The following SPATC1L variants were observed in gnomAD, a reference collection of about 807,000 sequenced individuals.
SPATC1L encodes the protein spermatogenesis and centriole associated 1 like.
A neutral mutation model predicts 21.2 loss-of-function variants in SPATC1L; 20 were observed. That is an observed-to-expected ratio of 0.94 (90% CI 0.66 to 1.37). The LOEUF (loss-of-function observed/expected upper bound fraction) is 1.37, where lower values mean the gene tolerates loss of function less well. SPATC1L is among the 40% of genes most tolerant of loss of function. SPATC1L has a pLI of 0.00. For synonymous variants in SPATC1L, 290 were observed against 234.5 expected (o/e 1.24, Z -2.16); for missense variants, 499 against 478.7 (o/e 1.04, Z -0.40).
chr21:46,168,629 CAACACTCGTG>C lies in SPATC1L; in HGVS notation c.213_222del (p.Phe71LeufsTer64). The C allele has an allele frequency of 7.1e-7, 1 of 1,410,058 alleles. No individual in the cohort carries two copies. Among genetic ancestry groups the C allele is most frequent in the Non-Finnish European group, 9.3e-7 (1 of 1,069,600 alleles). The allele number at this position is 1,410,058 out of a possible 1,614,324, so 87.3% of individuals were successfully genotyped here. On this transcript the variant is annotated frameshift_variant, in exon 3 of 5. Transcript: ENST00000291672. LOFTEE classifies it high-confidence loss of function. ...GTCTGCAGTTGGGAGGGCGTGTCGG[CAACACTCGTG>C]AACCTTCCGAAATCTGGAACTGAGG... is the stretch of plus-strand genomic sequence containing the variant.
chr21:46,176,063 C>T (rs956013709), intron 2 of SPATC1L, among the ~76,000 whole-genome samples: 1 of 152,078 alleles, frequency 6.6e-6, no homozygotes, highest in East Asian at 1.9e-4. Context: ...ATATGATTAT[C>T]TTAATAGATG....
At chr21:46,171,428 C>CA (rs10713326) in intron 2 of SPATC1L, among the ~76,000 whole-genome samples, 9 of 139,272 alleles carry the variant, frequency 6.5e-5, no homozygotes, top group African/African-American at 7.8e-5. Flanking sequence ...GAATCCATCT[C>CA]AAAAAAAAAA....
intron 3 of SPATC1L, 32 bp downstream of exon 3, chr21:46,168,276 G>GC (rs761528021): frequency 8.0e-6 from 12 of 1,491,362 alleles, no homozygotes; most frequent in Admixed American, 4.0e-5. Context: ...TGCACTGGGG[G>GC]CCCCCCCAGG....
At chr21:46,182,562 G>A (rs1376351855) in intron 2 of SPATC1L, 62 bp downstream of exon 2, 21 of 1,392,848 alleles carry the variant, frequency 1.5e-5, no homozygotes, top group East Asian at 5.4e-5. Flanking sequence ...CTCGACTCCC[G>A]GGGAGCAGGC....
chr21:46,171,939 GAAAAAAA>G (rs66628257), intron 2 of SPATC1L, among the ~76,000 whole-genome samples: 2 of 67,806 alleles, frequency 2.9e-5, no homozygotes, highest in Admixed American at 3.5e-4. Flanking sequence ...ATAACCCCCA[GAAAAAAA>G]AAAAAAAAAA....
intron 2 of SPATC1L, among the ~76,000 whole-genome samples, chr21:46,172,140 G>A (rs369307469): frequency 0.011 from 175 of 15,814 alleles, 8 homozygotes; most frequent in Non-Finnish European, 0.027. Context: ...AGAGTGTGAG[G>A]TGGGGGATGC....
intron 2 of SPATC1L, among the ~76,000 whole-genome samples, chr21:46,176,585 A>T (rs1247211234): frequency 6.6e-6 from 1 of 152,232 alleles, no homozygotes; most frequent in Admixed American, 6.5e-5. Context: ...AGGGAGGTGG[A>T]GGATGTCTAC....
intron 2 of SPATC1L, among the ~76,000 whole-genome samples, chr21:46,173,228 C>T (rs2079606929): frequency 6.6e-6 from 1 of 152,204 alleles, no homozygotes; most frequent in Non-Finnish European, 1.5e-5. Flanking sequence ...GTCTGCTGGC[C>T]TCTCCTGGGG....
At chr21:46,173,937 A>G (rs2079610885) in intron 2 of SPATC1L, among the ~76,000 whole-genome samples, 1 of 152,214 alleles carries the variant, frequency 6.6e-6, no homozygotes, top group African/African-American at 2.4e-5. Flanking sequence ...TAGAGCATGC[A>G]GAGTCCAGGA....
chr21:46,162,318 G>A (rs1388628766), intron 3 of SPATC1L, among the ~76,000 whole-genome samples: 1 of 152,160 alleles, frequency 6.6e-6, no homozygotes, highest in Non-Finnish European at 1.5e-5. Context: ...TTTTAATCTC[G>A]GGGGTGGGGA....
chr21:46,171,956 A>C (rs1421029282), intron 2 of SPATC1L, among the ~76,000 whole-genome samples: 6 of 151,698 alleles, frequency 4.0e-5, no homozygotes, highest in Admixed American at 6.6e-5. Context: ...AAAAAAAAAA[A>C]AAAAAACCAT....
intron 3 of SPATC1L, among the ~76,000 whole-genome samples, chr21:46,166,366 C>CAAA (rs545784940): frequency 4.2e-5 from 6 of 141,950 alleles, no homozygotes; most frequent in South Asian, 2.2e-4. Context: ...ACCCTGTCTC[C>CAAA]AAAAAAAAAA....
intron 2 of SPATC1L, among the ~76,000 whole-genome samples, chr21:46,174,497 T>C (rs1260983479): frequency 1.3e-5 from 2 of 151,990 alleles, no homozygotes; most frequent in Non-Finnish European, 2.9e-5. Context: ...AAAACTATGA[T>C]TGCAGGGTTG....
At chr21:46,174,593 A>C (rs2079618352) in intron 2 of SPATC1L, among the ~76,000 whole-genome samples, 1 of 152,204 alleles carries the variant, frequency 6.6e-6, no homozygotes, top group Admixed American at 6.5e-5. Context: ...TGAAGGGCTC[A>C]ATTTAACAAG....
intron 2 of SPATC1L, among the ~76,000 whole-genome samples, chr21:46,173,393 T>C (rs929126674): frequency 4.6e-5 from 7 of 152,084 alleles, no homozygotes; most frequent in African/African-American, 1.7e-4. Context: ...CCTCCTCATA[T>C]TGTAGCTTCC....
chr21:46,174,350 A>AAAAAAAAAAC (rs2079616306), intron 2 of SPATC1L, among the ~76,000 whole-genome samples: 2 of 148,252 alleles, frequency 1.3e-5, no homozygotes, highest in South Asian at 4.5e-4. Flanking sequence ...AAAACAAAAA[A>AAAAAAAAAAC]AAAAAAAAAA....
intron 2 of SPATC1L, among the ~76,000 whole-genome samples, chr21:46,172,994 G>A (rs1194252412): frequency 6.6e-6 from 1 of 152,204 alleles, no homozygotes; most frequent in Non-Finnish European, 1.5e-5. Flanking sequence ...GCCCACCATG[G>A]ACACTCTAGT....
At position 46,161,421 on chromosome 21, in the gene SPATC1L, G is replaced by A. The variant is rs774303965; in HGVS notation, c.981C>T (p.Cys327=). Residue 327 remains cysteine (C), a synonymous_variant, in exon 5 of 5, where the codon TGC becomes TGT. Transcript: ENST00000291672. ...GCTTGCCGTCCTCCTTGGAGAGCTCGCACAGGCAGTTGAGCAGCAGCAGCG... is the reference window on the plus strand; with the variant it reads ...GCTTGCCGTCCTCCTTGGAGAGCTCACACAGGCAGTTGAGCAGCAGCAGCG... ...GDSLLLLNCL[C]ELSKEDGKPL... 2 of 1,563,046 alleles carry A rather than the reference G, an allele frequency of 1.3e-6. No homozygotes were observed. Among genetic ancestry groups the A allele is most frequent in the African/African-American group, 1.3e-5 (1 of 74,210 alleles).
At position 46,183,278 on chromosome 21, in the gene SPATC1L, G is replaced by T. The variant is rs534046367; in HGVS notation, c.-462C>A. The T allele has an allele frequency of 2.9e-4, 50 of 173,924 alleles. No homozygotes were observed. Among genetic ancestry groups the T allele is most frequent in the Non-Finnish European group, 5.0e-4 (41 of 82,272 alleles). 10.8% of individuals were successfully genotyped at this position (173,924 alleles called of 1,614,324 possible). On this transcript the variant is annotated 5_prime_UTR_variant, in exon 2 of 5. Transcript: ENST00000291672. ...CCATAGGACCTGCCCAGGACACAGG[G>T]TTCCCAGTGCAGCTTCCTGTGGACC...
Sources: allele counts gnomAD v4.1 joint callset (sites outside exome capture counted in the v4.1 genomes callset), GRCh38; gene constraint gnomAD v4.1.1; transcripts MANE v1.5; gene names NCBI Gene and HGNC (gene_info 2026-07-23, HGNC 2026-07-21).